Variants in PTPRD observed in about 807,000 individuals in gnomAD.
PTPRD encodes receptor-type tyrosine-protein phosphatase delta.
In PTPRD, 34 loss-of-function variants were observed where a neutral mutation model predicts 214.5. The ratio of observed to expected loss-of-function variants is 0.16; its 90% confidence interval spans 0.12 to 0.21. PTPRD has a LOEUF of 0.21. Among genes scored for constraint, PTPRD ranks in the 10% least tolerant of loss-of-function variants. The probability of loss-of-function intolerance (pLI) is 1.00; values close to 1 mark genes in which losing one functional copy is unlikely to be tolerated. For synonymous variants in PTPRD, 1,128 were observed against 845.7 expected, an observed-to-expected ratio of 1.33 and a Z score of -5.79; for missense variants, 2,545 against 2,398.7, an observed-to-expected ratio of 1.06 and a Z score of -1.27.
chr9:8,807,270 G>C (rs374704183), intron 11 of PTPRD, among the ~76,000 whole-genome samples: 3 of 152,124 alleles, frequency 2.0e-5, no homozygotes, highest in East Asian at 3.9e-4. Context: ...CCGGGAGGCA[G>C]AGGTTGCAGT....
intron 3 of PTPRD, among the ~76,000 whole-genome samples, chr9:10,227,678 G>C (rs888847315): frequency 4.0e-5 from 6 of 151,884 alleles, no homozygotes; most frequent in Non-Finnish European, 7.4e-5. Context: ...GATTCTCAGC[G>C]ACTTCAGGAA....
chr9:9,263,382 A>C (rs931576662), intron 9 of PTPRD, among the ~76,000 whole-genome samples: 4 of 151,802 alleles, frequency 2.6e-5, no homozygotes, highest in Admixed American at 6.6e-5. Context: ...TTCTCAGTTT[A>C]GTTCAACTGA....
At chr9:9,773,789 T>A (rs940546670) in intron 5 of PTPRD, among the ~76,000 whole-genome samples, 1 of 152,184 alleles carries the variant, frequency 6.6e-6, no homozygotes, top group African/African-American at 2.4e-5. Context: ...AATTCTTTTA[T>A]AAACTGTGAA....
intron 2 of PTPRD, among the ~76,000 whole-genome samples, chr9:10,423,240 G>C (rs2098565703): frequency 6.6e-6 from 1 of 151,970 alleles, no homozygotes; most frequent in African/African-American, 2.4e-5. Flanking sequence ...TCACTCATAG[G>C]TGGGAATTGA....
rs1197413809 is a variant in PTPRD at position 10,551,819 on chromosome 9, T to C, written c.-600+60579A>G. Reference sequence around the variant, plus strand: ...TCCAAGCTGAGAAAGTACCAGCATATGCCCAGAAAAAAAACTAGTGAAAAA... The same window carrying C: ...TCCAAGCTGAGAAAGTACCAGCATACGCCCAGAAAAAAAACTAGTGAAAAA... On this transcript the variant is annotated intron_variant, in intron 2 of 45. Coordinates refer to ENST00000381196, the MANE Select transcript of PTPRD (RefSeq NM_002839.4). Among the ~76,000 whole-genome samples the C allele has an allele frequency of 2.6e-5, 4 of 152,238 alleles. No homozygotes were observed. In the South Asian group the frequency reaches 8.3e-4, roughly 32 times the overall value.
chr9:9,507,460 A>T (rs1427956347), intron 8 of PTPRD, among the ~76,000 whole-genome samples: 2 of 151,280 alleles, frequency 1.3e-5, no homozygotes, highest in African/African-American at 4.8e-5. Context: ...GAAAAATAAA[A>T]ATACTCAGCT....
chr9:9,412,143 T>C (rs1341466692), intron 8 of PTPRD, among the ~76,000 whole-genome samples: 1 of 152,210 alleles, frequency 6.6e-6, no homozygotes, highest in East Asian at 1.9e-4. Context: ...ACTTTTTTTC[T>C]TTTCTTTTCT....
At chr9:8,575,862 G>T (rs1262161083) in intron 14 of PTPRD, among the ~76,000 whole-genome samples, 1 of 152,116 alleles carries the variant, frequency 6.6e-6, no homozygotes, top group East Asian at 1.9e-4. Flanking sequence ...CACTGCACAG[G>T]GTACCAAAGA....
chr9:9,175,538 G>A (rs951271961), intron 10 of PTPRD, among the ~76,000 whole-genome samples: 5 of 147,392 alleles, frequency 3.4e-5, no homozygotes, highest in South Asian at 2.1e-4. Context: ...CAGGAGAATC[G>A]CTTGAACCTG....
intron 2 of PTPRD, among the ~76,000 whole-genome samples, chr9:10,563,892 T>C (rs1566953546): frequency 6.6e-6 from 1 of 151,952 alleles, no homozygotes; most frequent in Admixed American, 6.6e-5. Flanking sequence ...TAAAGAGACA[T>C]GTCCTGTGTA....
At chr9:9,699,323 T>C (rs544015757) in intron 7 of PTPRD, among the ~76,000 whole-genome samples, 1 of 152,308 alleles carries the variant, frequency 6.6e-6, no homozygotes, top group African/African-American at 2.4e-5. Context: ...TTTCATATTA[T>C]GTCAAAATTA....
intron 33 of PTPRD, among the ~76,000 whole-genome samples, chr9:8,454,847 T>TG (rs1491019577): frequency 1.4e-5 from 2 of 145,040 alleles, no homozygotes; most frequent in Non-Finnish European, 3.0e-5. Context: ...TGTGTGTGTG[T>TG]GAATGCCACG....
At chr9:9,849,188 C>G (rs931917985) in intron 5 of PTPRD, among the ~76,000 whole-genome samples, 15 of 151,882 alleles carry the variant, frequency 9.9e-5, no homozygotes, top group African/African-American at 3.1e-4. Flanking sequence ...AAATTGGTTC[C>G]CTGGGCTACT....
intron 8 of PTPRD, among the ~76,000 whole-genome samples, chr9:9,437,975 G>T (rs1055571630): frequency 6.6e-6 from 1 of 152,160 alleles, no homozygotes; most frequent in East Asian, 1.9e-4. Context: ...TGCAGAGTTG[G>T]TTCCTTGCGA....
chr9:9,064,905 A>T (rs1450575170), intron 10 of PTPRD, among the ~76,000 whole-genome samples: 1 of 152,238 alleles, frequency 6.6e-6, no homozygotes, highest in East Asian at 1.9e-4. Context: ...AATGTTATCC[A>T]ATTTCAAATT....
At position 10,424,313 on chromosome 9, in the gene PTPRD, T is replaced by TTCTCTCTC. The variant is rs35994999; in HGVS notation, c.-599-83304_-599-83297dup. ...TAAAGCTTGATAATATGGTTTCCTT[T>TTCTCTCTC]TCTCTCTCTCTCTCTCTCTCTCTCT... On this transcript the variant is annotated intron_variant, in intron 2 of 45. Transcript: ENST00000381196. Among the ~76,000 whole-genome samples the TTCTCTCTC allele has an allele frequency of 3.3e-3, 486 of 145,578 alleles. 3 individuals are homozygous for TTCTCTCTC. Among genetic ancestry groups the TTCTCTCTC allele is most frequent in the African/African-American group, 0.012 (473 of 40,138 alleles).
rs190317645 is a variant in PTPRD, at chr9:8,646,961, C to T, written c.65-10117G>A. 5.3e-4 allele frequency among the ~76,000 whole-genome samples: 81 copies of T among 152,244 alleles called. 1 individual carries two copies. Among genetic ancestry groups the T allele is most frequent in the African/African-American group, 1.9e-3 (80 of 41,536 alleles). On this transcript the variant is annotated intron_variant, in intron 12 of 45. Coordinates refer to ENST00000381196, the MANE Select transcript of PTPRD (RefSeq NM_002839.4). ...ATGTGATCTTTGCACCTCTATTACA[C>T]GTATATTTGTTTATAGTTTGGCGAA...
chr9:9,520,277 ATATATT>A (rs2096936242), intron 8 of PTPRD, among the ~76,000 whole-genome samples: 1 of 76,324 alleles, frequency 1.3e-5, no homozygotes, highest in Non-Finnish European at 3.9e-5. Context: ...ATATATATAT[ATATATT>A]AAGTTATATA....
intron 7 of PTPRD, among the ~76,000 whole-genome samples, chr9:9,707,318 C>T (rs187131452): frequency 1.3e-5 from 2 of 152,222 alleles, no homozygotes; most frequent in East Asian, 1.9e-4. Flanking sequence ...CCTTAGAGAT[C>T]ACAGTTGTGA....
Sources: allele counts gnomAD v4.1 joint callset (sites outside exome capture counted in the v4.1 genomes callset), GRCh38; gene constraint gnomAD v4.1.1; transcripts MANE v1.5; gene names NCBI Gene and HGNC (gene_info 2026-07-23, HGNC 2026-07-21).